The following PRKG1 variants were observed in gnomAD, a reference collection of about 807,000 sequenced individuals.
PRKG1 encodes the protein cGMP-dependent protein kinase 1.
In PRKG1, 35 loss-of-function variants were observed where a neutral mutation model predicts 88.1. That is an observed-to-expected ratio of 0.40 (90% CI 0.30 to 0.53). PRKG1 has a LOEUF of 0.53. Ranked by LOEUF, PRKG1 falls within the 20% of genes least tolerant of loss-of-function variation. The probability of loss-of-function intolerance (pLI) is 0.59; values close to 1 mark genes in which losing one functional copy is unlikely to be tolerated. For missense variants in PRKG1, 540 were observed against 839.8 expected (o/e 0.64, Z 4.41); for synonymous variants, 303 against 292.5 (o/e 1.04, Z -0.37).
intron 2 of PRKG1, among the ~76,000 whole-genome samples, chr10:51,170,503 G>A (rs1002428645): frequency 2.0e-5 from 3 of 150,962 alleles, no homozygotes; most frequent in Admixed American, 1.3e-4. Flanking sequence ...GAAAACCAAA[G>A]CATGGCAAGG....
At chr10:51,089,021 A>G (rs1402689740) in intron 1 of PRKG1, among the ~76,000 whole-genome samples, 1 of 152,084 alleles carries the variant, frequency 6.6e-6, no homozygotes, top group Non-Finnish European at 1.5e-5. Context: ...GATAATCCCT[A>G]TCACTCCATA....
chr10:52,215,771 T>C (rs924281968), intron 9 of PRKG1, among the ~76,000 whole-genome samples: 2 of 152,196 alleles, frequency 1.3e-5, no homozygotes, highest in African/African-American at 4.8e-5. Flanking sequence ...TTTGATCTCA[T>C]TCAGAATATA....
At chr10:52,197,071 T>C (rs921064870) in intron 9 of PRKG1, among the ~76,000 whole-genome samples, 2 of 152,202 alleles carry the variant, frequency 1.3e-5, no homozygotes, top group African/African-American at 4.8e-5. Flanking sequence ...AAAACACTTG[T>C]AGGTTTCCAT....
chr10:51,736,136 C>T (rs1201560127), intron 3 of PRKG1, among the ~76,000 whole-genome samples: 1 of 151,686 alleles, frequency 6.6e-6, no homozygotes, highest in Admixed American at 6.6e-5. Context: ...GAACGATCCA[C>T]CTGCCTTGGC....
chr10:51,387,001 T>C (rs1314221407), intron 2 of PRKG1, among the ~76,000 whole-genome samples: 1 of 152,224 alleles, frequency 6.6e-6, no homozygotes, highest in Non-Finnish European at 1.5e-5. Context: ...CCCACCAAGC[T>C]ATTGATACTA....
chr10:52,014,029 G>C (rs1844969337), intron 5 of PRKG1, among the ~76,000 whole-genome samples: 1 of 152,064 alleles, frequency 6.6e-6, no homozygotes, highest in African/African-American at 2.4e-5. Context: ...GAGGAATCCA[G>C]ATAGAATACT....
At chr10:52,137,392 T>G (rs1406475611) in intron 8 of PRKG1, among the ~76,000 whole-genome samples, 1 of 152,066 alleles carries the variant, frequency 6.6e-6, no homozygotes, top group African/African-American at 2.4e-5. Context: ...AACAGAACCA[T>G]CCATTAATAA....
intron 9 of PRKG1, among the ~76,000 whole-genome samples, chr10:52,219,935 T>A (rs1840200978): frequency 6.6e-6 from 1 of 152,190 alleles, no homozygotes; most frequent in East Asian, 1.9e-4. Context: ...AGATTAAAAG[T>A]TGGTAGGTCA....
chr10:52,025,639 A>G (rs1205632928), intron 5 of PRKG1, among the ~76,000 whole-genome samples: 1 of 151,434 alleles, frequency 6.6e-6, no homozygotes, highest in Admixed American at 6.6e-5. Context: ...ATGGTTGTAG[A>G]TGTGTGCTGT....
At chr10:52,074,608 G>A (rs576048357) in intron 7 of PRKG1, among the ~76,000 whole-genome samples, 14 of 152,084 alleles carry the variant, frequency 9.2e-5, no homozygotes, top group African/African-American at 2.9e-4. Flanking sequence ...GAACTCAGCC[G>A]GTGTTTTGTG....
At chr10:51,648,145 T>G (rs1256920971) in intron 3 of PRKG1, among the ~76,000 whole-genome samples, 1 of 152,174 alleles carries the variant, frequency 6.6e-6, no homozygotes, top group Non-Finnish European at 1.5e-5. Context: ...ATTCAATAAA[T>G]ATTTATGGGA....
At chr10:51,200,209 C>G (rs1440469695) in intron 2 of PRKG1, among the ~76,000 whole-genome samples, 1 of 152,132 alleles carries the variant, frequency 6.6e-6, no homozygotes, top group African/African-American at 2.4e-5. Context: ...ATAGCTAGTT[C>G]TGGGAATAGT....
rs112859794 is a variant in PRKG1 at position 51,595,527 on chromosome 10, G to A, written c.592+127691G>A. On this transcript the variant is annotated intron_variant, in intron 3 of 17. Coordinates refer to ENST00000373980, the MANE Select transcript of PRKG1 (RefSeq NM_006258.4). ...TGCCTGTAATAGTAGCTACTTGAGAGGCTGAGGCAGGAGAATCGCTTGAAC... is the reference window on the plus strand; with the variant it reads ...TGCCTGTAATAGTAGCTACTTGAGAAGCTGAGGCAGGAGAATCGCTTGAAC... 9.6e-3 allele frequency among the ~76,000 whole-genome samples: 1,449 copies of A among 150,494 alleles called. 31 individuals carry two copies. The highest frequency in any genetic ancestry group is 0.034 in the African/African-American group (1,349 of 39,902).
chr10:51,763,138 G>T (rs1259875405), intron 3 of PRKG1, among the ~76,000 whole-genome samples: 2 of 152,014 alleles, frequency 1.3e-5, no homozygotes, highest in Non-Finnish European at 2.9e-5. Context: ...CTTTTTGCAT[G>T]GTTCTTGGAG....
At chr10:51,057,041 G>A (rs1333687489) in intron 1 of PRKG1, among the ~76,000 whole-genome samples, 1 of 152,158 alleles carries the variant, frequency 6.6e-6, no homozygotes, top group East Asian at 1.9e-4. Flanking sequence ...TCATACCTGA[G>A]TTATACACAT....
At chr10:51,163,194 C>T (rs1458524556) in intron 2 of PRKG1, among the ~76,000 whole-genome samples, 3 of 152,140 alleles carry the variant, frequency 2.0e-5, no homozygotes. Context: ...AAACAGAACA[C>T]AAATAGAGTA....
At chr10:52,028,304 A>C (rs2133205166) in intron 5 of PRKG1, among the ~76,000 whole-genome samples, 1 of 152,168 alleles carries the variant, frequency 6.6e-6, no homozygotes, top group Admixed American at 6.5e-5. Flanking sequence ...TATTATGATC[A>C]CTGCACGCAT....
At chr10:51,400,914 G>A (rs975129316) in intron 2 of PRKG1, among the ~76,000 whole-genome samples, 1 of 152,164 alleles carries the variant, frequency 6.6e-6, no homozygotes, top group Non-Finnish European at 1.5e-5. Flanking sequence ...ATACTAAGAT[G>A]GTCAATGGAC....
At chr10:52,131,895 G>T (rs2132631706) in intron 7 of PRKG1, among the ~76,000 whole-genome samples, 1 of 150,248 alleles carries the variant, frequency 6.7e-6, no homozygotes, top group Non-Finnish European at 1.5e-5. Flanking sequence ...ACACTGGGAG[G>T]ATTGTGCTGG....
Sources: allele counts gnomAD v4.1 joint callset (sites outside exome capture counted in the v4.1 genomes callset), GRCh38; gene constraint gnomAD v4.1.1; transcripts MANE v1.5; gene names NCBI Gene and HGNC (gene_info 2026-07-23, HGNC 2026-07-21).